RECQL5: variants seen among roughly 807,000 people sequenced by gnomAD.
The protein encoded by RECQL5 is RecQ like helicase 5.
Under a neutral mutation model 103.4 loss-of-function variants are expected in RECQL5, and 88 were observed. The ratio of observed to expected loss-of-function variants is 0.85; its 90% CI spans 0.72 to 1.02. The LOEUF is 1.02. Ranked by LOEUF, RECQL5 falls within the 50% of genes least tolerant of loss-of-function variation. The pLI, the probability that RECQL5 is intolerant of heterozygous loss-of-function variation, is 0.00. For missense variants in RECQL5, 1,232 were observed against 1,284.3 expected (o/e 0.96, Z 0.62); for synonymous variants, 552 against 507.9 (o/e 1.09, Z -1.17).
chr17:75,628,726 G>A lies in RECQL5; in HGVS notation c.2526C>T (p.Val842=). ...ATGTGTCCTTTGCAGGGGTGGGCTG[G>A]ACTTCAGGGGTGCCCTGGTCTCTGG... is the stretch of plus-strand genomic sequence containing the variant. ...CPPRDQGTPE[V]QPTPAKDTWK... The change falls in exon 17 of 20, where the codon GTC becomes GTT. Residue 842 remains valine, a synonymous_variant. Coordinates refer to ENST00000317905, the MANE Select transcript of RECQL5 (RefSeq NM_004259.7). The A allele has an allele frequency of 6.3e-7, 1 of 1,590,276 alleles. No homozygotes were observed. The highest frequency in any genetic ancestry group is 8.5e-7 in the Non-Finnish European group (1 of 1,174,320).
chr17:75,640,294 G>C lies in RECQL5; in HGVS notation c.1230-8626C>G, dbSNP rs2059411259. 1 of 1,551,128 alleles carries C rather than the reference G, an allele frequency of 6.4e-7. No homozygotes were observed. Among genetic ancestry groups the C allele is most frequent in the Non-Finnish European group, 8.7e-7 (1 of 1,146,708 alleles). ...GACTGCCCCAGGCTGAGCCCGTGGA[G>C]ATCGTGGCCTTCTCAGTCATCATCC... On this transcript the variant is annotated intron_variant, in intron 8 of 19. Coordinates refer to ENST00000317905, the MANE Select transcript of RECQL5 (RefSeq NM_004259.7). The surrounding 1 kb of genome is among the most constrained non-coding windows in gnomAD (Gnocchi z 4.6).
chr17:75,666,685 G>A, intron 1 of RECQL5, 114 bp from the exon 2 acceptor site: 1 of 1,021,208 alleles, frequency 9.8e-7, no homozygotes, highest in Non-Finnish European at 1.4e-6. Context: ...CTTAAATAAT[G>A]TATTATTTTT....
intron 1 of RECQL5, 56 bp downstream of exon 1, chr17:75,666,988 A>C: frequency 7.8e-6 from 2 of 257,566 alleles, no homozygotes; most frequent in Non-Finnish European, 1.5e-5. Context: ...TGAGCCCAAG[A>C]TCCGCAATTT....
chr17:75,663,038 C>A lies in RECQL5; in HGVS notation c.253-41G>T, dbSNP rs765672517. The stretch of plus-strand genomic sequence containing the variant: ...GAGGCTGTAACTGGCCCTCAGGACT[C>A]AGGTAAACATCACTGCAAGTCCCTG... On this transcript the variant is annotated intron_variant, in intron 3 of 19. Coordinates refer to ENST00000317905, the MANE Select transcript of RECQL5 (RefSeq NM_004259.7). 3 of 1,538,768 alleles carry A rather than the reference C, an allele frequency of 1.9e-6. No homozygotes were observed. The East Asian group carries it at 6.8e-5, about 35-fold the overall frequency.
In RECQL5 at chr17:75,631,672, G is replaced by A. The variant is rs766683349; in HGVS notation, c.1230-4C>T. The A allele has an allele frequency of 6.2e-7, 1 of 1,610,154 alleles. No individual in the cohort carries two copies. Among genetic ancestry groups the A allele is most frequent in the African/African-American group, 1.3e-5 (1 of 74,880 alleles). On this transcript the variant is annotated splice_polypyrimidine_tract_variant and splice_region_variant and intron_variant, in intron 8 of 19. Coordinates refer to ENST00000317905, the MANE Select transcript of RECQL5 (RefSeq NM_004259.7). ...GGCAATGGCGGCATGGCGGCACCTGGAGCAGGCAGCACCGCAGAGGTGAGG... is the reference window on the plus strand; with the variant it reads ...GGCAATGGCGGCATGGCGGCACCTGAAGCAGGCAGCACCGCAGAGGTGAGG...
In RECQL5 at chr17:75,630,842, G is replaced by GGGGC. The variant is rs1555706021; in HGVS notation, c.1586-6_1586-5insGCCC. The GGGGC allele has an allele frequency of 8.1e-7, 1 of 1,240,082 alleles. No individual in the cohort carries two copies. The highest frequency in any genetic ancestry group is 2.3e-5 in the African/African-American group (1 of 42,910). The allele number at this position is 1,240,082 out of a possible 1,614,324, so 76.8% of individuals were successfully genotyped here. A position where few individuals can be genotyped will look rare whatever the true frequency, so the allele number is the denominator to read the frequency against. ...CTTTCAGGGGACAGTTCTCATCTGTGGGGGGGGGGGGTGGTCCTTGGTCCT... is the reference window on the plus strand; with the variant it reads ...CTTTCAGGGGACAGTTCTCATCTGTGGGGCGGGGGGGGGGGTGGTCCTTGGTCCT... On this transcript the variant is annotated splice_polypyrimidine_tract_variant and splice_region_variant and intron_variant, in intron 11 of 19. Coordinates refer to ENST00000317905, the MANE Select transcript of RECQL5 (RefSeq NM_004259.7).
chr17:75,627,733 TTGG>T (rs2059124000), intron 18 of RECQL5, 41 bp from the exon 19 acceptor site: 1 of 1,563,726 alleles, frequency 6.4e-7, no homozygotes, highest in Non-Finnish European at 8.7e-7. Flanking sequence ...AGCAGGACCC[TTGG>T]TGGCCGGGCG....
At chr17:75,630,089 G>A in intron 14 of RECQL5, 95 bp downstream of exon 14, 6 of 1,156,824 alleles carry the variant, frequency 5.2e-6, no homozygotes, top group Non-Finnish European at 6.0e-6. Context: ...GGTGAGTTCT[G>A]GGCTGCCTGA....
chr17:75,650,748 GTT>G, intron 8 of RECQL5: 2 of 1,605,788 alleles, frequency 1.2e-6, no homozygotes, highest in Non-Finnish European at 1.7e-6. Flanking sequence ...AGATGCGTGA[GTT>G]CAAAGCACAT....
chr17:75,629,483 T>C lies in RECQL5; in HGVS notation c.1948-8A>G. 6.7e-7 allele frequency: 1 copy of C among 1,501,374 alleles called. No homozygotes were observed. The highest frequency in any genetic ancestry group is 8.9e-7 in the Non-Finnish European group (1 of 1,125,622). 93.0% of individuals were successfully genotyped at this position (1,501,374 alleles called of 1,614,324 possible). Reference sequence around the variant, plus strand: ...CACCCGCTTGGGTTTGAGCTGTAAATGTGAGCAGGAGGAGAGGAGGTTCAG... The same window carrying C: ...CACCCGCTTGGGTTTGAGCTGTAAACGTGAGCAGGAGGAGAGGAGGTTCAG... On this transcript the variant is annotated splice_polypyrimidine_tract_variant and splice_region_variant and intron_variant, in intron 15 of 19. Coordinates refer to ENST00000317905, the MANE Select transcript of RECQL5 (RefSeq NM_004259.7).
At chr17:75,655,636 T>C (rs780372705) in intron 7 of RECQL5, among the ~76,000 whole-genome samples, 4 of 152,180 alleles carry the variant, frequency 2.6e-5, no homozygotes, top group African/African-American at 4.8e-5. Context: ...AGTGCTGGGA[T>C]TACAGGCGTG....
At position 75,665,185 on chromosome 17, in the gene RECQL5, A is replaced by T; in HGVS notation, c.131-13T>A. 6.2e-7 allele frequency: 1 copy of T among 1,604,830 alleles called. No homozygotes were observed. Among genetic ancestry groups the T allele is most frequent in the African/African-American group, 1.3e-5 (1 of 74,436 alleles). ...ACGTCCTTGTTACCTGAAAAAATACAAGACAACAATATCTCAGTGCTTCCT... is the reference window on the plus strand; with the variant it reads ...ACGTCCTTGTTACCTGAAAAAATACTAGACAACAATATCTCAGTGCTTCCT... On this transcript the variant is annotated splice_polypyrimidine_tract_variant and intron_variant, in intron 2 of 19. Coordinates refer to ENST00000317905, the MANE Select transcript of RECQL5 (RefSeq NM_004259.7).
At position 75,651,125 on chromosome 17, in the gene RECQL5, G is replaced by A. The variant is rs543663192; in HGVS notation, c.1229+61C>T. 829 of 1,613,504 alleles carry A rather than the reference G, an allele frequency of 5.1e-4. 10 individuals carry two copies. In the South Asian group the frequency reaches 8.8e-3, roughly 17 times the overall value. On this transcript the variant is annotated intron_variant, in intron 8 of 19. Coordinates refer to ENST00000317905, the MANE Select transcript of RECQL5 (RefSeq NM_004259.7). ...CTTATGTCAGCTGCTTAACTAGGGC[G>A]TGCCGGGGAAGTAAATGATCTCACT...
At chr17:75,648,386 G>A (rs1046495927) in intron 8 of RECQL5, among the ~76,000 whole-genome samples, 1 of 151,962 alleles carries the variant, frequency 6.6e-6, no homozygotes, top group Non-Finnish European at 1.5e-5. Flanking sequence ...TTGTTTCTTT[G>A]TTTTTGAGAC....
In RECQL5 at chr17:75,627,508, G is replaced by C. The variant is rs1374818448; in HGVS notation, c.2890C>G (p.Gln964Glu). ...SPGRSVKEEAQNLIRHFFHGR... is the reference protein window; with the variant it reads ...SPGRSVKEEAENLIRHFFHGR... ...TGGAAGAAGTGCCTGATGAGGTTCT[G>C]GGCCTCTTCTTTCACTACAGATTCA... The change falls in exon 20 of 20, where the codon CAG becomes GAG. Residue 964 changes from glutamine (Q) to glutamate (E), a missense_variant. Coordinates refer to ENST00000317905, the MANE Select transcript of RECQL5 (RefSeq NM_004259.7). 1 of 1,613,932 alleles carries C rather than the reference G, an allele frequency of 6.2e-7. No individual in the cohort carries two copies. Among genetic ancestry groups the C allele is most frequent in the South Asian group, 1.1e-5 (1 of 91,082 alleles).
intron 8 of RECQL5, among the ~76,000 whole-genome samples, chr17:75,632,334 G>A (rs532724671): frequency 9.2e-5 from 14 of 152,356 alleles, no homozygotes; most frequent in Admixed American, 7.2e-4. Context: ...CGCATGGCCT[G>A]GGTGTGTAGG....
chr17:75,630,537 A>T (rs1325579798), intron 13 of RECQL5, 82 bp downstream of exon 13: 14 of 1,450,962 alleles, frequency 9.6e-6, no homozygotes, highest in Non-Finnish European at 1.4e-5. Flanking sequence ...TGGCCCAAAC[A>T]GGCCAGGGTT....
chr17:75,641,238 G>A (rs2059429932), intron 8 of RECQL5: 1 of 239,814 alleles, frequency 4.2e-6, no homozygotes, highest in South Asian at 8.5e-5. Flanking sequence ...CCCCACCTGT[G>A]GGCAATTGGC....
intron 8 of RECQL5, chr17:75,634,373 T>G: frequency 2.0e-6 from 1 of 497,588 alleles, no homozygotes; most frequent in Non-Finnish European, 2.6e-6. Flanking sequence ...ACCTGCACTC[T>G]CCCTGCTGCT....
Sources: allele counts gnomAD v4.1 joint callset (sites outside exome capture counted in the v4.1 genomes callset), GRCh38; gene constraint gnomAD v4.1.1; non-coding constraint Gnocchi (gnomAD v3.1); transcripts MANE v1.5; gene names NCBI Gene and HGNC (gene_info 2026-07-23, HGNC 2026-07-21).